GPC5: variants seen among roughly 807,000 people sequenced by gnomAD.
GPC5 encodes the protein glypican 5.
In GPC5, 47 loss-of-function variants were observed where a neutral mutation model predicts 53.9. That is an observed-to-expected ratio of 0.87 (90% CI 0.69 to 1.11). The LOEUF is 1.11. Among genes scored for constraint, GPC5 ranks in the 50% most tolerant of loss-of-function variants. The pLI is 0.00. For synonymous variants in GPC5, 286 were observed against 263.3 expected (o/e 1.09, Z -0.84); for missense variants, 748 against 713.1 (o/e 1.05, Z -0.56).
At chr13:92,525,699 C>T (rs1230045173) in intron 7 of GPC5, among the ~76,000 whole-genome samples, 3 of 151,918 alleles carry the variant, frequency 2.0e-5, no homozygotes, top group Admixed American at 6.6e-5. Context: ...TCATTTGATG[C>T]GATCTTTTCT....
chr13:91,437,954 A>AGTAGCC lies in GPC5; in HGVS notation c.164-10807_164-10806insGTAGCC, dbSNP rs1880112623. ...GGTACCTTTTCTTCCAGTTGATCAC[A>AGTAGCC]TCGGCTACTGAGGCTTGTGCATTTG... is the stretch of plus-strand genomic sequence containing the variant. On this transcript the variant is annotated intron_variant, in intron 1 of 7. Transcript: ENST00000377067. 2.0e-5 allele frequency among the ~76,000 whole-genome samples: 3 copies of AGTAGCC among 152,142 alleles called. No individual in the cohort carries two copies. In the South Asian group the frequency reaches 6.2e-4, roughly 32 times the overall value.
intron 6 of GPC5, among the ~76,000 whole-genome samples, chr13:91,909,719 A>T (rs1259757965): frequency 2.6e-5 from 4 of 151,284 alleles, no homozygotes; most frequent in Admixed American, 1.3e-4. Flanking sequence ...GCACAGTTAT[A>T]AAAAAAACAC....
intron 2 of GPC5, among the ~76,000 whole-genome samples, chr13:91,517,509 G>C (rs1343365766): frequency 2.6e-5 from 4 of 152,110 alleles, no homozygotes; most frequent in African/African-American, 9.7e-5. Context: ...TCAGCATTTT[G>C]GTCAAAGCCA....
intron 7 of GPC5, among the ~76,000 whole-genome samples, chr13:92,603,935 C>A (rs2139085152): frequency 6.6e-6 from 1 of 152,258 alleles, no homozygotes; most frequent in East Asian, 1.9e-4. Context: ...GCATCACTTT[C>A]AACTCCCTCC....
chr13:91,951,034 T>A (rs1055083417), intron 6 of GPC5, among the ~76,000 whole-genome samples: 1 of 152,158 alleles, frequency 6.6e-6, no homozygotes, highest in Non-Finnish European at 1.5e-5. Flanking sequence ...ACTGATCACA[T>A]TGTTTTATAA....
Position 91,880,525 on chromosome 13 carries a change from T to G in GPC5, c.1281-27412T>G, listed in dbSNP as rs2039252707. Among the ~76,000 whole-genome samples, 4 of 152,200 alleles carry G rather than the reference T, an allele frequency of 2.6e-5. No homozygotes were observed. In the South Asian group the frequency reaches 6.2e-4, roughly 24 times the overall value. On this transcript the variant is annotated intron_variant, in intron 5 of 7. Coordinates refer to ENST00000377067, the MANE Select transcript of GPC5 (RefSeq NM_004466.6). ...CTTGAGTTAAATTCTTAACTATTTT[T>G]TATTTTGATTTGTAAAGTTTAAATA...
At chr13:91,582,303 G>A (rs1003549619) in intron 2 of GPC5, among the ~76,000 whole-genome samples, 2 of 152,064 alleles carry the variant, frequency 1.3e-5, no homozygotes, top group African/African-American at 4.8e-5. Context: ...AATATTTCTG[G>A]TAAACTCCAA....
At chr13:91,874,012 A>C (rs1310336908) in intron 5 of GPC5, among the ~76,000 whole-genome samples, 1 of 152,202 alleles carries the variant, frequency 6.6e-6, no homozygotes, top group South Asian at 2.1e-4. Context: ...TCTGGGCCTC[A>C]GTTTCCTGAT....
chr13:91,704,662 G>A (rs774584453), intron 3 of GPC5, among the ~76,000 whole-genome samples: 1 of 152,120 alleles, frequency 6.6e-6, no homozygotes, highest in Non-Finnish European at 1.5e-5. Flanking sequence ...CACTCAAGAT[G>A]GGACAAGGAA....
At chr13:91,406,959 C>T (rs1443854729) in intron 1 of GPC5, among the ~76,000 whole-genome samples, 1 of 152,148 alleles carries the variant, frequency 6.6e-6, no homozygotes, top group Non-Finnish European at 1.5e-5. Context: ...AGTAGCAATA[C>T]TGATTTTAAA....
intron 2 of GPC5, among the ~76,000 whole-genome samples, chr13:91,679,267 C>G (rs1467979788): frequency 6.6e-6 from 1 of 152,068 alleles, no homozygotes; most frequent in Non-Finnish European, 1.5e-5. Context: ...GCCATGAGAA[C>G]AGCTATTGAT....
chr13:92,825,083 A>G (rs1447797180), intron 7 of GPC5, among the ~76,000 whole-genome samples: 2 of 152,138 alleles, frequency 1.3e-5, no homozygotes, highest in African/African-American at 4.8e-5. Flanking sequence ...CGGGAAAGGG[A>G]ATTTGAAGTT....
At chr13:92,812,361 T>G (rs2138800003) in intron 7 of GPC5, among the ~76,000 whole-genome samples, 1 of 152,098 alleles carries the variant, frequency 6.6e-6, no homozygotes, top group African/African-American at 2.4e-5. Flanking sequence ...ATTTTCTTTT[T>G]GTATTGTTCA....
At chr13:91,550,532 G>A (rs997006834) in intron 2 of GPC5, among the ~76,000 whole-genome samples, 2 of 152,032 alleles carry the variant, frequency 1.3e-5, no homozygotes, top group African/African-American at 4.8e-5. Context: ...TGAATATATT[G>A]GTACAAGAGT....
Position 91,981,959 on chromosome 13 carries a change from G to T in GPC5, c.1401+73902G>T, listed in dbSNP as rs557655796. Among the ~76,000 whole-genome samples, 23 of 152,314 alleles carry T rather than the reference G, an allele frequency of 1.5e-4. No homozygotes were observed. The East Asian group carries it at 4.4e-3, about 29-fold the overall frequency. ...GAACAGAACATATTAGGCAATAAAG[G>T]AAGCAAGTTGGAAAGCGATGAGACT... On this transcript the variant is annotated intron_variant, in intron 6 of 7. Transcript: ENST00000377067.
intron 2 of GPC5, among the ~76,000 whole-genome samples, chr13:91,556,267 A>G (rs2030942040): frequency 1.3e-5 from 2 of 151,776 alleles, no homozygotes; most frequent in African/African-American, 2.4e-5. Flanking sequence ...ATTCATTTCT[A>G]TTGTTGAGTA....
intron 7 of GPC5, among the ~76,000 whole-genome samples, chr13:92,440,961 T>C (rs1041764096): frequency 2.6e-5 from 4 of 152,212 alleles, no homozygotes; most frequent in South Asian, 2.1e-4. Flanking sequence ...TAGACCTTTG[T>C]TGGATGCAGA....
At chr13:91,959,260 G>A (rs2040104619) in intron 6 of GPC5, among the ~76,000 whole-genome samples, 1 of 151,944 alleles carries the variant, frequency 6.6e-6, no homozygotes, top group Admixed American at 6.6e-5. Flanking sequence ...GATCATCAGA[G>A]ATTATTATGA....
chr13:92,598,562 T>C (rs1183060687), intron 7 of GPC5, among the ~76,000 whole-genome samples: 1 of 152,160 alleles, frequency 6.6e-6, no homozygotes, highest in Non-Finnish European at 1.5e-5. Context: ...AACTATGAAA[T>C]AGTAAAAAAT....
Sources: gnomAD v4.1 joint callset for allele counts (sites outside exome capture counted in the v4.1 genomes callset) on GRCh38, gnomAD v4.1.1 for gene constraint, MANE v1.5 for transcripts, NCBI Gene and HGNC (gene_info 2026-07-23, HGNC 2026-07-21) for gene names.